DIAPH2: variants seen among roughly 807,000 people sequenced by gnomAD.
DIAPH2 encodes protein diaphanous homolog 2.
DIAPH2 carries 35 observed loss-of-function variants against 92.7 expected under a neutral mutation model. The observed-to-expected ratio is 0.38, with a 90% confidence interval of 0.29 to 0.50. DIAPH2 has a LOEUF of 0.50. DIAPH2 is among the 20% of genes least tolerant of loss of function. The pLI is 0.94. For synonymous variants in DIAPH2, 301 were observed against 280.4 expected (o/e 1.07, Z -0.73); for missense variants, 701 against 819.5 (o/e 0.86, Z 1.77).
chrX:96,829,891 CT>C (rs200939539), intron 4 of DIAPH2, among the ~76,000 whole-genome samples: 43 of 99,491 alleles, frequency 4.3e-4, no homozygotes, highest in African/African-American at 5.1e-4. Flanking sequence ...TTTTCTTTTT[CT>C]TTTTTTTTTT....
intron 26 of DIAPH2, among the ~76,000 whole-genome samples, chrX:97,574,190 T>G (rs775125101): frequency 3.0e-4 from 34 of 111,735 alleles, no homozygotes; most frequent in Admixed American, 2.8e-3. Flanking sequence ...CTGACCTATC[T>G]CCAATAGAAC....
At position 97,301,365 on chromosome X, in the gene DIAPH2, T is replaced by G. The variant is rs2068704492; in HGVS notation, c.2845-46751T>G. ...AAGTACAAATGTTTTTTATCTATGG[T>G]ACCTTAATTTATATAACATATCTTA... On this transcript the variant is annotated intron_variant, in intron 23 of 26. Transcript: ENST00000324765. 4.5e-5 allele frequency among the ~76,000 whole-genome samples: 5 copies of G among 110,875 alleles called. No individual in the cohort carries two copies. The South Asian group carries it at 1.9e-3, about 42-fold the overall frequency.
chrX:96,757,904 A>G (rs746516233), intron 3 of DIAPH2, among the ~76,000 whole-genome samples: 2 of 111,932 alleles, frequency 1.8e-5, no homozygotes, highest in Non-Finnish European at 3.8e-5. Context: ...AGTTTTAAAA[A>G]TATTTTTTTC....
At chrX:97,362,804 A>G (rs1400041327) in intron 24 of DIAPH2, among the ~76,000 whole-genome samples, 1 of 112,832 alleles carries the variant, frequency 8.9e-6, no homozygotes, top group Non-Finnish European at 1.9e-5. Flanking sequence ...TGCTATGGAA[A>G]GAAGAAATCA....
chrX:97,240,761 G>A (rs1382690740), intron 22 of DIAPH2, among the ~76,000 whole-genome samples: 2 of 110,984 alleles, frequency 1.8e-5, no homozygotes, highest in Non-Finnish European at 3.8e-5. Context: ...TGGAAGGTAG[G>A]GTGTAGGAAA....
At chrX:96,699,705 C>T (rs1698892203) in intron 1 of DIAPH2, among the ~76,000 whole-genome samples, 1 of 111,918 alleles carries the variant, frequency 8.9e-6, no homozygotes. Flanking sequence ...CTCCTTTCCT[C>T]TCTATTCAGA....
At chrX:96,964,596 GATA>G (rs2065883377) in intron 16 of DIAPH2, among the ~76,000 whole-genome samples, 2 of 111,527 alleles carry the variant, frequency 1.8e-5, no homozygotes, top group African/African-American at 6.5e-5. Context: ...TTAATGTAGA[GATA>G]ATAACAGGTG....
rs186705096 is a variant in DIAPH2 at position 97,149,559 on chromosome X, A to G, written c.2719+7765A>G. ...ATCCTGGCTAACACGGTGAAACCCC[A>G]TCTCTACTAAAAATACAAAAAAGTA... On this transcript the variant is annotated intron_variant, in intron 22 of 26. Coordinates refer to ENST00000324765, the MANE Select transcript of DIAPH2 (RefSeq NM_006729.5). 3.7e-5 allele frequency among the ~76,000 whole-genome samples: 4 copies of G among 108,688 alleles called. No homozygotes were observed. In the East Asian group the frequency reaches 8.7e-4, roughly 24 times the overall value. 94.4% of individuals were successfully genotyped at this position (108,688 alleles called of 115,157 possible).
At chrX:97,506,954 T>C (rs2070839361) in intron 26 of DIAPH2, among the ~76,000 whole-genome samples, 1 of 111,111 alleles carries the variant, frequency 9.0e-6, no homozygotes, top group Non-Finnish European at 1.9e-5. Flanking sequence ...GTGGGCCAAA[T>C]CCAGCCCATG....
At chrX:96,732,468 A>G (rs2147562455) in intron 1 of DIAPH2, among the ~76,000 whole-genome samples, 1 of 112,088 alleles carries the variant, frequency 8.9e-6, no homozygotes, top group African/African-American at 3.2e-5. Context: ...TTATGAAAGC[A>G]GATTTTTACA....
chrX:97,185,694 A>G (rs1362039704), intron 22 of DIAPH2, among the ~76,000 whole-genome samples: 1 of 103,805 alleles, frequency 9.6e-6, no homozygotes, highest in Admixed American at 1.1e-4. Flanking sequence ...GTACCTATGC[A>G]TACTTTGTTA....
intron 20 of DIAPH2, among the ~76,000 whole-genome samples, chrX:97,102,995 A>G (rs988613718): frequency 7.2e-5 from 8 of 111,879 alleles, no homozygotes; most frequent in African/African-American, 2.6e-4. Flanking sequence ...TACTTGTCCA[A>G]GGTTACATAG....
At chrX:97,390,771 G>A (rs1322174915) in intron 25 of DIAPH2, among the ~76,000 whole-genome samples, 1 of 111,692 alleles carries the variant, frequency 9.0e-6, no homozygotes, top group Non-Finnish European at 1.9e-5. Flanking sequence ...TGGTTTCATA[G>A]TCTGTATGTA....
At chrX:96,957,716 T>G in intron 15 of DIAPH2, 112 bp from the exon 16 acceptor site, 1 of 590,676 alleles carries the variant, frequency 1.7e-6, no homozygotes, top group Admixed American at 3.9e-5. Context: ...AAAAAGTATA[T>G]ATGATCTTAA....
At chrX:97,526,805 A>C (rs771197716) in intron 26 of DIAPH2, among the ~76,000 whole-genome samples, 3 of 111,674 alleles carry the variant, frequency 2.7e-5, no homozygotes, top group Non-Finnish European at 3.8e-5. Context: ...TTCCTAGTCC[A>C]CACCCACTCT....
At chrX:97,164,755 G>A (rs187557426) in intron 22 of DIAPH2, among the ~76,000 whole-genome samples, 1 of 111,889 alleles carries the variant, frequency 8.9e-6, no homozygotes, top group East Asian at 2.8e-4. Context: ...CTTTTACCTA[G>A]TAGTGTTTTA....
chrX:97,170,384 G>T (rs1321839507), intron 22 of DIAPH2, among the ~76,000 whole-genome samples: 1 of 112,051 alleles, frequency 8.9e-6, no homozygotes, highest in Non-Finnish European at 1.9e-5. Context: ...GAAATAAAAT[G>T]GTATTTAAAT....
At chrX:97,540,654 A>G (rs2071132737) in intron 26 of DIAPH2, among the ~76,000 whole-genome samples, 2 of 112,109 alleles carry the variant, frequency 1.8e-5, no homozygotes, top group African/African-American at 6.5e-5. Context: ...TTAATAGAGA[A>G]TTGATCATTA....
chrX:97,375,637 T>C (rs977038867), intron 24 of DIAPH2, among the ~76,000 whole-genome samples: 1 of 112,177 alleles, frequency 8.9e-6, no homozygotes, highest in African/African-American at 3.2e-5. Context: ...TGTTTCATTG[T>C]CATGTTTAGG....
Sources: allele counts gnomAD v4.1 joint callset (sites outside exome capture counted in the v4.1 genomes callset), GRCh38; gene constraint gnomAD v4.1.1; transcripts MANE v1.5; gene names NCBI Gene and HGNC (gene_info 2026-07-23, HGNC 2026-07-21).